NRP1: variants seen among roughly 807,000 people sequenced by gnomAD.
The protein encoded by NRP1 is neuropilin 1.
A neutral mutation model predicts 106.7 loss-of-function variants in NRP1; 35 were observed. That is an observed-to-expected ratio of 0.33 (90% CI 0.25 to 0.43). The LOEUF (loss-of-function observed/expected upper bound fraction) is 0.43. NRP1 is among the 20% of genes least tolerant of loss of function. The pLI is 1.00. For synonymous variants in NRP1, 437 were observed against 417.9 expected (o/e 1.05, Z -0.56); for missense variants, 1,024 against 1,170.4 (o/e 0.87, Z 1.83).
At chr10:33,256,619 T>C (rs1050782001) in intron 4 of NRP1, 148 bp from the exon 5 acceptor site, 28 of 835,138 alleles carry the variant, frequency 3.4e-5, no homozygotes, top group South Asian at 1.9e-4. Flanking sequence ...TGGTTTGCTG[T>C]GAACATATTG....
chr10:33,320,040 T>C (rs1412535797), intron 2 of NRP1, among the ~76,000 whole-genome samples: 1 of 147,224 alleles, frequency 6.8e-6, no homozygotes, highest in Non-Finnish European at 1.5e-5. Flanking sequence ...GGGCCGGGCG[T>C]GGTGGCTCAC....
chr10:33,213,201 A>G, intron 9 of NRP1, 185 bp downstream of exon 9: 1 of 1,486,500 alleles, frequency 6.7e-7, no homozygotes, highest in Non-Finnish European at 9.1e-7. Flanking sequence ...ATGTTATCTC[A>G]GACATCACTT....
intron 4 of NRP1, among the ~76,000 whole-genome samples, chr10:33,261,624 C>A (rs1430942257): frequency 6.6e-6 from 1 of 152,162 alleles, no homozygotes; most frequent in African/African-American, 2.4e-5. Context: ...CAATATAAGG[C>A]TTCTCTAAAC....
At chr10:33,220,165 A>G (rs2132877345) in intron 8 of NRP1, among the ~76,000 whole-genome samples, 1 of 152,320 alleles carries the variant, frequency 6.6e-6, no homozygotes, top group African/African-American at 2.4e-5. Flanking sequence ...TTACTTTCCA[A>G]GCTGAACTCT....
intron 2 of NRP1, among the ~76,000 whole-genome samples, chr10:33,277,476 T>C (rs1843789778): frequency 6.6e-6 from 1 of 152,262 alleles, no homozygotes; most frequent in Non-Finnish European, 1.5e-5. Context: ...AAGGAAGGCC[T>C]GACCACCACC....
Position 33,263,882 on chromosome 10 carries a change from A to G in NRP1, c.431-9T>C. 1.3e-6 allele frequency: 2 copies of G among 1,562,510 alleles called. No individual in the cohort carries two copies. The highest frequency in any genetic ancestry group is 2.2e-5 in the South Asian group (2 of 89,444). On this transcript the variant is annotated splice_polypyrimidine_tract_variant and intron_variant, in intron 3 of 16. Transcript: ENST00000374867. Reference sequence around the variant, plus strand: ...CTGGGAACATTCAGGACCTATGAGTAGAAGAGAAAAAGGAGTAAAGTGAAA... The same window carrying G: ...CTGGGAACATTCAGGACCTATGAGTGGAAGAGAAAAAGGAGTAAAGTGAAA...
intron 2 of NRP1, 27 bp downstream of exon 2, chr10:33,330,681 G>A (rs1320433268): frequency 1.9e-6 from 3 of 1,596,622 alleles, no homozygotes; most frequent in Admixed American, 1.7e-5. Flanking sequence ...GTGCTGTGGT[G>A]CCCTGTTCAA....
At chr10:33,187,937 G>A (rs7910131) in intron 13 of NRP1, among the ~76,000 whole-genome samples, 8,169 of 152,220 alleles carry the variant, frequency 0.054, 716 homozygotes, top group African/African-American at 0.19. Context: ...AAACCAACGG[G>A]TGGAATCATA....
At chr10:33,233,566 G>A (rs532439102) in intron 6 of NRP1, among the ~76,000 whole-genome samples, 1 of 152,154 alleles carries the variant, frequency 6.6e-6, no homozygotes, top group Admixed American at 6.5e-5. Flanking sequence ...AACCAATATT[G>A]GTAATGTCAT....
intron 8 of NRP1, among the ~76,000 whole-genome samples, chr10:33,215,513 A>G (rs1424577982): frequency 6.6e-6 from 1 of 152,238 alleles, no homozygotes; most frequent in Non-Finnish European, 1.5e-5. Context: ...CGCTGGCTTA[A>G]TGACAAAATG....
rs570917201 is a variant in NRP1, at chr10:33,193,399, A to G, written c.1925-981T>C. ...ATAAGCTAACAATAAAAAAAATTCT[A>G]AAGATGAAATTCTCGGGCTTCTGCC... is the stretch of plus-strand genomic sequence containing the variant. On this transcript the variant is annotated intron_variant, in intron 12 of 16. Transcript: ENST00000374867. Among the ~76,000 whole-genome samples the G allele has an allele frequency of 2.1e-3, 318 of 152,336 alleles. 1 individual carries two copies. Among genetic ancestry groups the G allele is most frequent in the Non-Finnish European group, 3.3e-3 (227 of 68,036 alleles).
At chr10:33,266,989 G>T (rs1024961673) in intron 3 of NRP1, among the ~76,000 whole-genome samples, 3 of 152,110 alleles carry the variant, frequency 2.0e-5, no homozygotes, top group African/African-American at 7.2e-5. Flanking sequence ...CCAAGATCGT[G>T]CCACTGCACT....
At chr10:33,185,275 A>G (rs527476868) in intron 15 of NRP1, among the ~76,000 whole-genome samples, 60 of 152,220 alleles carry the variant, frequency 3.9e-4, no homozygotes, top group Non-Finnish European at 6.6e-4. Flanking sequence ...ACACCCAGAT[A>G]TTTGGAATTA....
At chr10:33,233,349 T>C (rs1165513745) in intron 6 of NRP1, among the ~76,000 whole-genome samples, 1 of 152,018 alleles carries the variant, frequency 6.6e-6, no homozygotes, top group African/African-American at 2.4e-5. Context: ...CATATGGCCA[T>C]GGTATTGTCT....
intron 2 of NRP1, among the ~76,000 whole-genome samples, chr10:33,324,730 C>T (rs1346702994): frequency 3.3e-5 from 5 of 152,134 alleles, no homozygotes; most frequent in African/African-American, 1.2e-4. Flanking sequence ...CTCCGCTTCC[C>T]AGGTTCAAGC....
At chr10:33,242,525 G>A (rs1272717537) in intron 6 of NRP1, among the ~76,000 whole-genome samples, 1 of 152,112 alleles carries the variant, frequency 6.6e-6, no homozygotes, top group Non-Finnish European at 1.5e-5. Context: ...ATTTTTTAAG[G>A]TGGAAAACTT....
intron 11 of NRP1, among the ~76,000 whole-genome samples, chr10:33,199,371 A>C (rs1324456582): frequency 4.6e-5 from 2 of 43,830 alleles, no homozygotes; most frequent in African/African-American, 2.0e-4. Flanking sequence ...TGTTTTCTAT[A>C]TATATATATA....
At chr10:33,214,182 G>A (rs1838563979) in intron 8 of NRP1, among the ~76,000 whole-genome samples, 1 of 152,136 alleles carries the variant, frequency 6.6e-6, no homozygotes, top group Non-Finnish European at 1.5e-5. Context: ...AGCCTGCAGA[G>A]GTAATAGAGG....
At chr10:33,235,416 G>C (rs570334022) in intron 6 of NRP1, among the ~76,000 whole-genome samples, 50 of 152,338 alleles carry the variant, frequency 3.3e-4, no homozygotes, top group Non-Finnish European at 5.7e-4. Flanking sequence ...CATTTTCTTA[G>C]TGTGATGGAA....
Sources: gnomAD v4.1 joint callset for allele counts (sites outside exome capture counted in the v4.1 genomes callset) on GRCh38, gnomAD v4.1.1 for gene constraint, MANE v1.5 for transcripts, NCBI Gene and HGNC (gene_info 2026-07-23, HGNC 2026-07-21) for gene names.